Variants in MED12L observed in about 807,000 individuals in gnomAD.
The protein encoded by MED12L is mediator complex subunit 12L.
In MED12L, 60 loss-of-function variants were observed where a neutral mutation model predicts 281.3. That is an observed-to-expected ratio of 0.21 (90% CI 0.17 to 0.26). The LOEUF (loss-of-function observed/expected upper bound fraction) is 0.26, where lower values mean the gene tolerates loss of function less well. MED12L is among the 10% of genes least tolerant of loss of function. MED12L has a pLI of 1.00. For missense variants in MED12L, 2,146 were observed against 2,680.9 expected (o/e 0.80, Z 4.41); for synonymous variants, 974 against 987.2 (o/e 0.99, Z 0.25).
intron 16 of MED12L, among the ~76,000 whole-genome samples, chr3:151,200,576 A>G (rs937971932): frequency 1.6e-4 from 24 of 152,214 alleles, no homozygotes; most frequent in African/African-American, 5.3e-4. Context: ...TAATTTCCCC[A>G]ATTAATTAAT....
chr3:151,263,281 C>G (rs1220603009), intron 16 of MED12L, among the ~76,000 whole-genome samples: 4 of 152,096 alleles, frequency 2.6e-5, no homozygotes, highest in Non-Finnish European at 5.9e-5. Context: ...TGAAATAATG[C>G]CAGCTGAGTG....
At chr3:151,265,147 G>A (rs1349947004) in intron 16 of MED12L, among the ~76,000 whole-genome samples, 1 of 152,200 alleles carries the variant, frequency 6.6e-6, no homozygotes, top group Non-Finnish European at 1.5e-5. Context: ...CCAGCACCTA[G>A]AGCAGTATCT....
chr3:151,296,983 C>G (rs1162591900), intron 16 of MED12L, among the ~76,000 whole-genome samples: 2 of 152,066 alleles, frequency 1.3e-5, no homozygotes, highest in East Asian at 1.9e-4. Context: ...AAACAGATTC[C>G]TAAATTGCTG....
chr3:151,348,331 C>T (rs530957843), intron 16 of MED12L, among the ~76,000 whole-genome samples: 2 of 112,416 alleles, frequency 1.8e-5, no homozygotes, highest in Non-Finnish European at 3.4e-5. Context: ...TGTACACAAA[C>T]CACCAGACCA....
chr3:151,361,577 A>G (rs1483339325), intron 21 of MED12L, among the ~76,000 whole-genome samples: 1 of 152,132 alleles, frequency 6.6e-6, no homozygotes, highest in East Asian at 1.9e-4. Flanking sequence ...GGAATATTTT[A>G]TTGTTTAATG....
chr3:151,295,473 ATAAAC>A (rs1744960392), intron 16 of MED12L, among the ~76,000 whole-genome samples: 2 of 152,208 alleles, frequency 1.3e-5, no homozygotes, highest in Non-Finnish European at 2.9e-5. Context: ...CCTTTTGAAA[ATAAAC>A]ATACCAGTGT....
intron 2 of MED12L, among the ~76,000 whole-genome samples, chr3:151,101,687 T>G (rs1457903232): frequency 1.6e-5 from 2 of 125,440 alleles, no homozygotes; most frequent in Non-Finnish European, 3.3e-5. Flanking sequence ...GAGCGTCTGC[T>G]GGAGCCCCAG....
At chr3:151,119,581 T>C (rs1482688134) in intron 3 of MED12L, among the ~76,000 whole-genome samples, 1 of 152,182 alleles carries the variant, frequency 6.6e-6, no homozygotes, top group Non-Finnish European at 1.5e-5. Context: ...TATAGTCACA[T>C]TGAGGGTTAA....
At chr3:151,235,788 G>C (rs572116471) in intron 16 of MED12L, among the ~76,000 whole-genome samples, 1 of 152,162 alleles carries the variant, frequency 6.6e-6, no homozygotes, top group South Asian at 2.1e-4. Flanking sequence ...TCAGTCTCTG[G>C]TACCTTTGTG....
At chr3:151,414,250 T>C (rs763712599) in intron 42 of MED12L, among the ~76,000 whole-genome samples, 3 of 152,230 alleles carry the variant, frequency 2.0e-5, no homozygotes, top group Non-Finnish European at 1.5e-5. Flanking sequence ...GCTTGTCCTA[T>C]GTTATTGGAC....
chr3:151,402,939 C>A (rs1715862020), intron 39 of MED12L, among the ~76,000 whole-genome samples: 1 of 152,098 alleles, frequency 6.6e-6, no homozygotes, highest in Admixed American at 6.5e-5. Flanking sequence ...ACTTCTGTAA[C>A]TCTGCTGTCT....
chr3:151,187,151 T>A (rs1300290948), intron 12 of MED12L, among the ~76,000 whole-genome samples: 2 of 152,234 alleles, frequency 1.3e-5, no homozygotes, highest in Non-Finnish European at 2.9e-5. Flanking sequence ...TATTGAACAG[T>A]GTGCAAATTA....
At position 151,159,976 on chromosome 3, in the gene MED12L, A is replaced by C. The variant is rs1284240491; in HGVS notation, c.982A>C (p.Ser328Arg). 2.5e-6 allele frequency: 4 copies of C among 1,614,168 alleles called. No individual in the cohort carries two copies. In the South Asian group the frequency reaches 3.3e-5, roughly 13 times the overall value. Residue 328 changes from serine (S) to arginine (R), a missense_variant, in exon 8 of 45, where the codon AGT becomes CGT. Physicochemically the swap from Ser to Arg is moderately radical, Grantham distance 110. This residue lies in a region of MED12L where 722 missense variants were observed against 861.2 expected (regional missense o/e 0.84). Transcript: ENST00000687756. ...PHMMIGPNNS[S>R]IGAPSPGPPG... ...CATGATGATAGGACCAAACAACTCG[A>C]GTATCGGGGCCCCCAGCCCTGGCCC...
chr3:151,259,888 A>G (rs766031356), intron 16 of MED12L, among the ~76,000 whole-genome samples: 6 of 152,126 alleles, frequency 3.9e-5, no homozygotes, highest in Non-Finnish European at 8.8e-5. Context: ...GTGTTAGTTC[A>G]TCCTGTTCTG....
intron 16 of MED12L, among the ~76,000 whole-genome samples, chr3:151,308,952 A>T (rs1430392874): frequency 6.6e-6 from 1 of 152,158 alleles, no homozygotes; most frequent in East Asian, 1.9e-4. Flanking sequence ...CAATTTTAAA[A>T]TTCTCAAGTG....
At position 151,433,640 on chromosome 3, in the gene MED12L, G is replaced by T. The variant is rs955033140; in HGVS notation, c.*836G>T. 1 of 152,418 alleles carries T rather than the reference G, an allele frequency of 6.6e-6. No individual in the cohort carries two copies. The highest frequency in any genetic ancestry group is 2.4e-5 in the African/African-American group (1 of 41,426). 9.4% of individuals were successfully genotyped at this position (152,418 alleles called of 1,614,324 possible). A position where few individuals can be genotyped will look rare whatever the true frequency, so the allele number is the denominator to read the frequency against. ...GTCCAACTATTTATTGCCAGTTTTGGTTCTCCTGAACCTTATGCCACCTTA... is the reference window on the plus strand; with the variant it reads ...GTCCAACTATTTATTGCCAGTTTTGTTTCTCCTGAACCTTATGCCACCTTA... On this transcript the variant is annotated 3_prime_UTR_variant, in exon 45 of 45. Coordinates refer to ENST00000687756, the MANE Select transcript of MED12L (RefSeq NM_001393769.1).
At chr3:151,430,216 C>G (rs1274861656) in intron 43 of MED12L, 83 bp from the exon 44 acceptor site, 1 of 1,591,552 alleles carries the variant, frequency 6.3e-7, no homozygotes, top group East Asian at 2.3e-5. Flanking sequence ...ACCTTACAGA[C>G]TGGCCCTGCG....
intron 16 of MED12L, among the ~76,000 whole-genome samples, chr3:151,270,874 C>A (rs1740815784): frequency 6.6e-6 from 1 of 152,164 alleles, no homozygotes; most frequent in South Asian, 2.1e-4. Flanking sequence ...AATTCACATT[C>A]TCTGTTGTAC....
chr3:151,408,853 G>A (rs971395675), intron 39 of MED12L, among the ~76,000 whole-genome samples: 1 of 152,208 alleles, frequency 6.6e-6, no homozygotes, highest in African/African-American at 2.4e-5. Context: ...ATGCCACCGT[G>A]TGTCTGTACC....
Sources: gnomAD v4.1 joint callset for allele counts (sites outside exome capture counted in the v4.1 genomes callset) on GRCh38, gnomAD v4.1.1 for gene constraint, gnomAD v4.1.1 regional missense constraint, MANE v1.5 for transcripts, NCBI Gene and HGNC (gene_info 2026-07-23, HGNC 2026-07-21) for gene names.